Variants in TMEM217B observed in about 807,000 individuals in gnomAD.
TMEM217B encodes putative transmembrane protein 217B.
chr6:37,218,525 A>G, the TMEM217B span: 1 of 1,614,104 alleles, frequency 6.2e-7, no homozygotes, highest in Non-Finnish European at 8.5e-7. Context: ...CGCTGTAGAA[A>G]TTCGTCTCTT....
chr6:37,224,081 C>T, the TMEM217B span, among the ~76,000 whole-genome samples: 1 of 151,446 alleles, frequency 6.6e-6, no homozygotes, highest in African/African-American at 2.4e-5. Flanking sequence ...GGACTACAGG[C>T]GCCCACCACC....
the TMEM217B span, among the ~76,000 whole-genome samples, chr6:37,243,940 TC>T: frequency 6.6e-6 from 1 of 152,146 alleles, no homozygotes; most frequent in African/African-American, 2.4e-5. Context: ...AGTCAGCCAG[TC>T]CTCAGAAATG....
the TMEM217B span, among the ~76,000 whole-genome samples, chr6:37,225,941 CG>C: frequency 6.6e-6 from 1 of 152,158 alleles, no homozygotes; most frequent in African/African-American, 2.4e-5. Flanking sequence ...CCCTATCAGC[CG>C]TGGGTCATTG....
the TMEM217B span, among the ~76,000 whole-genome samples, chr6:37,223,275 G>T: frequency 6.6e-6 from 1 of 151,460 alleles, no homozygotes; most frequent in African/African-American, 2.4e-5. Flanking sequence ...CTAACTGATT[G>T]CTAGAAGGAT....
At chr6:37,222,917 A>G in the TMEM217B span, among the ~76,000 whole-genome samples, 7 of 152,154 alleles carry the variant, frequency 4.6e-5, no homozygotes, top group Non-Finnish European at 7.3e-5. Context: ...AGCCACTGCC[A>G]TTACTAGCTG....
At chr6:37,220,565 A>G in the TMEM217B span, among the ~76,000 whole-genome samples, 1 of 150,976 alleles carries the variant, frequency 6.6e-6, no homozygotes, top group Non-Finnish European at 1.5e-5. Context: ...TTGTAGATTT[A>G]TAGCCCATAT....
At chr6:37,251,456 A>G in the TMEM217B span, among the ~76,000 whole-genome samples, 3 of 150,964 alleles carry the variant, frequency 2.0e-5, no homozygotes, top group Non-Finnish European at 4.4e-5. Context: ...ATAACAGGAA[A>G]TGAGAATTGA....
the TMEM217B span, among the ~76,000 whole-genome samples, chr6:37,221,367 A>G: frequency 2.0e-5 from 3 of 151,974 alleles, no homozygotes; most frequent in South Asian, 2.1e-4. Context: ...TTGTATTTTT[A>G]GTAGAGACGG....
chr6:37,214,474 G>A, the TMEM217B span, among the ~76,000 whole-genome samples: 10 of 152,182 alleles, frequency 6.6e-5, no homozygotes, highest in African/African-American at 1.9e-4. Flanking sequence ...TGATCTGCCC[G>A]CCTCGGCCTC....
At chr6:37,249,611 G>A in the TMEM217B span, among the ~76,000 whole-genome samples, 4 of 152,126 alleles carry the variant, frequency 2.6e-5, no homozygotes, top group African/African-American at 7.2e-5. Flanking sequence ...GTAAGCCACC[G>A]CACCCAGTGG....
At chr6:37,218,956 G>A in the TMEM217B span, 3 of 1,614,166 alleles carry the variant, frequency 1.9e-6, no homozygotes, top group African/African-American at 1.3e-5. Flanking sequence ...ACATGTCTAC[G>A]GCCATGATGG....
the TMEM217B span, among the ~76,000 whole-genome samples, chr6:37,224,040 G>A: frequency 6.7e-5 from 10 of 150,258 alleles, no homozygotes; most frequent in African/African-American, 2.0e-4. Flanking sequence ...GGGTTCAAGC[G>A]ATTCTCCTGC....
At chr6:37,241,953 T>G in the TMEM217B span, among the ~76,000 whole-genome samples, 1 of 151,930 alleles carries the variant, frequency 6.6e-6, no homozygotes, top group Non-Finnish European at 1.5e-5. Context: ...CAAAAAGTAA[T>G]ATGAAGTCTG....
the TMEM217B span, among the ~76,000 whole-genome samples, chr6:37,235,032 T>TA: frequency 6.6e-6 from 1 of 152,218 alleles, no homozygotes; most frequent in East Asian, 1.9e-4. Context: ...TGTGGCTTTT[T>TA]AAAAAACACA....
At chr6:37,218,767 G>C in the TMEM217B span, 1 of 1,614,110 alleles carries the variant, frequency 6.2e-7, no homozygotes, top group Non-Finnish European at 8.5e-7. Context: ...TGAAGATCTG[G>C]GCATACACTG....
chr6:37,254,005 A>G, the TMEM217B span, among the ~76,000 whole-genome samples: 4,907 of 152,208 alleles, frequency 0.032, 250 homozygotes, highest in African/African-American at 0.11. Context: ...TGAGGGGGGG[A>G]AAGTAAAAAC....
chr6:37,234,605 T>C, the TMEM217B span, among the ~76,000 whole-genome samples: 1 of 151,964 alleles, frequency 6.6e-6, no homozygotes, highest in Non-Finnish European at 1.5e-5. Flanking sequence ...ATGTGGTGGC[T>C]TGTGTTTGTA....
At chr6:37,212,312 C>T in the TMEM217B span, 9 of 355,012 alleles carry the variant, frequency 2.5e-5, no homozygotes, top group Non-Finnish European at 4.4e-5. Context: ...AACTCAAAAG[C>T]CCTGACAAAC....
At chr6:37,248,307 G>A in the TMEM217B span, among the ~76,000 whole-genome samples, 117 of 152,228 alleles carry the variant, frequency 7.7e-4, no homozygotes, top group African/African-American at 2.7e-3. Flanking sequence ...TACAGTAGAT[G>A]CTCAATAAAA....
Sources: allele counts gnomAD v4.1 joint callset (sites outside exome capture counted in the v4.1 genomes callset), GRCh38; gene constraint gnomAD v4.1.1; transcripts MANE v1.5; gene names NCBI Gene and HGNC (gene_info 2026-07-23, HGNC 2026-07-21).